The following STRN3 variants were observed in gnomAD, a reference collection of about 807,000 sequenced individuals.
The protein encoded by STRN3 is striatin-3.
Under a neutral mutation model 95.6 loss-of-function variants are expected in STRN3, and 29 were observed. That is an observed-to-expected ratio of 0.30 (90% CI 0.23 to 0.41). The LOEUF (loss-of-function observed/expected upper bound fraction) is 0.41. STRN3 is among the 10% of genes least tolerant of loss of function. The pLI is 1.00. For synonymous variants in STRN3, 331 were observed against 357.6 expected, an observed-to-expected ratio of 0.93 and a Z score of 0.84; for missense variants, 890 against 972.1, an observed-to-expected ratio of 0.92 and a Z score of 1.12.
At chr14:31,011,834 C>T (rs1882982777) in intron 1 of STRN3, among the ~76,000 whole-genome samples, 1 of 151,810 alleles carries the variant, frequency 6.6e-6, no homozygotes, top group Non-Finnish European at 1.5e-5. Flanking sequence ...AATCCCAGCA[C>T]TTTGGGAGGC....
At chr14:30,941,966 A>G (rs1879115324) in intron 5 of STRN3, among the ~76,000 whole-genome samples, 1 of 152,018 alleles carries the variant, frequency 6.6e-6, no homozygotes, top group East Asian at 1.9e-4. Context: ...CTCTATTCAT[A>G]CCCCTATTTA....
intron 1 of STRN3, among the ~76,000 whole-genome samples, chr14:30,978,576 C>T (rs1055046501): frequency 6.6e-6 from 1 of 152,162 alleles, no homozygotes; most frequent in African/African-American, 2.4e-5. Context: ...TCTCCTCTTT[C>T]ATCACTCCTA....
At chr14:30,990,459 C>T (rs560930954) in intron 1 of STRN3, among the ~76,000 whole-genome samples, 115 of 152,166 alleles carry the variant, frequency 7.6e-4, no homozygotes, top group Admixed American at 1.7e-3. Flanking sequence ...TGAGCCACCG[C>T]GCCCGGCCAA....
At chr14:31,013,785 G>A (rs1883084328) in intron 1 of STRN3, among the ~76,000 whole-genome samples, 1 of 150,750 alleles carries the variant, frequency 6.6e-6, no homozygotes, top group Admixed American at 6.6e-5. Context: ...GAAACGGGGG[G>A]GGTCTCACTA....
In STRN3 at chr14:30,947,249, A is replaced by C; in HGVS notation, c.557T>G (p.Val186Gly). ...RQLLRQYLQE[V>G]GYTDTILDVR... is the part of the protein sequence containing the mutation. ...ATCTAATATTGTATCTGTATAACCT[A>C]CTTCCTGAAGATACCTGTAAGAGAA... Residue 186 changes from valine (V) to glycine (G), a missense_variant, in exon 5 of 18, where the codon GTA (valine) becomes GGA (glycine). By Grantham distance (109) the Val-to-Gly change is moderately radical. Coordinates refer to ENST00000357479, the MANE Select transcript of STRN3 (RefSeq NM_001083893.2). 1 of 1,588,748 alleles carries C rather than the reference A, an allele frequency of 6.3e-7. No homozygotes were observed. Among genetic ancestry groups the C allele is most frequent in the Non-Finnish European group, 8.5e-7 (1 of 1,170,824 alleles).
intron 3 of STRN3, among the ~76,000 whole-genome samples, chr14:30,952,535 ACAAAAAATGC>A (rs1300098570): frequency 6.6e-6 from 1 of 151,986 alleles, no homozygotes; most frequent in African/African-American, 2.4e-5. Context: ...CCTCATCTCT[ACAAAAAATGC>A]AAAAATTAGC....
intron 1 of STRN3, among the ~76,000 whole-genome samples, chr14:31,008,921 C>A (rs1401666960): frequency 6.6e-6 from 1 of 152,076 alleles, no homozygotes; most frequent in Non-Finnish European, 1.5e-5. Context: ...CACCTATAGT[C>A]TCAGCTACTC....
At chr14:30,917,075 T>C (rs892692171) in intron 9 of STRN3, among the ~76,000 whole-genome samples, 2 of 152,154 alleles carry the variant, frequency 1.3e-5, no homozygotes, top group South Asian at 2.1e-4. Flanking sequence ...ACTTCAAAAG[T>C]AAAGAAGGAA....
At chr14:30,929,062 A>G (rs1878341119) in intron 8 of STRN3, 139 bp downstream of exon 8, 1 of 588,344 alleles carries the variant, frequency 1.7e-6, no homozygotes, top group Non-Finnish European at 2.9e-6. Flanking sequence ...ACAAATTTCA[A>G]TTATACAACA....
chr14:30,919,404 G>C (rs763757755), intron 8 of STRN3, among the ~76,000 whole-genome samples: 20 of 151,434 alleles, frequency 1.3e-4, no homozygotes, highest in Non-Finnish European at 2.4e-4. Context: ...ACTTTAGAGA[G>C]TTCTTTAAAG....
At chr14:31,017,922 A>C (rs1364802923) in intron 1 of STRN3, among the ~76,000 whole-genome samples, 1 of 151,924 alleles carries the variant, frequency 6.6e-6, no homozygotes, top group East Asian at 1.9e-4. Context: ...CTAAAAATAC[A>C]AAATAATTAG....
chr14:31,000,624 T>C (rs1882402345), intron 1 of STRN3, among the ~76,000 whole-genome samples: 1 of 152,032 alleles, frequency 6.6e-6, no homozygotes, highest in Non-Finnish European at 1.5e-5. Context: ...TCTTCGGTAG[T>C]GAGGTTATCT....
At chr14:30,939,030 C>T (rs1426057640) in intron 5 of STRN3, among the ~76,000 whole-genome samples, 6 of 152,148 alleles carry the variant, frequency 3.9e-5, no homozygotes, top group African/African-American at 1.4e-4. Context: ...CTCAGGAGCA[C>T]AGAAAGTAAT....
intron 1 of STRN3, among the ~76,000 whole-genome samples, chr14:31,014,089 G>T (rs1883122961): frequency 6.6e-6 from 1 of 151,740 alleles, no homozygotes; most frequent in African/African-American, 2.4e-5. Context: ...ATTTCTTGTA[G>T]AGACAGGGTA....
chr14:30,969,175 C>T (rs1880698863), intron 1 of STRN3, among the ~76,000 whole-genome samples: 1 of 152,194 alleles, frequency 6.6e-6, no homozygotes, highest in African/African-American at 2.4e-5. Flanking sequence ...GTGGCTCACG[C>T]CTGTAATCCC....
intron 1 of STRN3, among the ~76,000 whole-genome samples, chr14:30,970,077 T>C (rs1195168806): frequency 6.6e-6 from 1 of 152,246 alleles, no homozygotes; most frequent in East Asian, 1.9e-4. Context: ...TCTATTCTAT[T>C]ACTCTTCTTT....
chr14:30,919,099 G>T lies in STRN3; in HGVS notation c.1107C>A (p.Asn369Lys), dbSNP rs749744703. Residue 369 changes from asparagine to lysine, a missense_variant, in exon 9 of 18, where the codon AAC (asparagine) becomes AAA (lysine). Asn to Lys is a moderately conservative substitution (Grantham distance 94). Transcript: ENST00000357479. The part of the protein sequence containing the change: ...RKGKKGVKRA[N>K]RTKLYDMIAD... ...CTATCATGTCGTAGAGTTTTGTCCTGTTGGCCCCTGTAAATTAATGTCAGC... is the reference window on the plus strand; with the variant it reads ...CTATCATGTCGTAGAGTTTTGTCCTTTTGGCCCCTGTAAATTAATGTCAGC... The T allele has an allele frequency of 2.4e-5, 38 of 1,600,374 alleles. No individual in the cohort carries two copies. The highest frequency in any genetic ancestry group is 5.4e-5 in the African/African-American group (4 of 74,332).
At chr14:30,948,130 A>C (rs1034252371) in intron 4 of STRN3, among the ~76,000 whole-genome samples, 25 of 152,234 alleles carry the variant, frequency 1.6e-4, no homozygotes, top group Non-Finnish European at 2.1e-4. Context: ...AGAATGAATA[A>C]ACAAGTAAGA....
At chr14:30,909,572 C>T (rs1896556749) in intron 13 of STRN3, among the ~76,000 whole-genome samples, 1 of 152,186 alleles carries the variant, frequency 6.6e-6, no homozygotes, top group South Asian at 2.1e-4. Flanking sequence ...TTACTTCTCA[C>T]ACTCAAGTGA....
Sources: allele counts gnomAD v4.1 joint callset (sites outside exome capture counted in the v4.1 genomes callset), GRCh38; gene constraint gnomAD v4.1.1; transcripts MANE v1.5; gene names NCBI Gene and HGNC (gene_info 2026-07-23, HGNC 2026-07-21).